The following NRXN3 variants were observed in gnomAD, a reference collection of about 807,000 sequenced individuals.
NRXN3 encodes the protein neurexin III.
Under a neutral mutation model 137.6 loss-of-function variants are expected in NRXN3, and 32 were observed. The ratio of observed to expected loss-of-function variants is 0.23; its 90% CI spans 0.18 to 0.31. NRXN3 has a LOEUF of 0.31. NRXN3 is among the 10% of genes least tolerant of loss of function. The probability of loss-of-function intolerance (pLI) is 1.00; values close to 1 mark genes in which losing one functional copy is unlikely to be tolerated. For missense variants in NRXN3, 1,574 were observed against 2,062.5 expected, an observed-to-expected ratio of 0.76 and a Z score of 4.59; for synonymous variants, 798 against 784.5, an observed-to-expected ratio of 1.02 and a Z score of -0.29.
chr14:79,297,034 C>G (rs764817415), intron 15 of NRXN3, among the ~76,000 whole-genome samples: 24 of 152,188 alleles, frequency 1.6e-4, no homozygotes, highest in Admixed American at 2.6e-4. Flanking sequence ...TTTGCTTATC[C>G]TATTTAAGCA....
At chr14:78,846,825 TTC>T (rs565635433) in intron 10 of NRXN3, among the ~76,000 whole-genome samples, 1 of 152,148 alleles carries the variant, frequency 6.6e-6, no homozygotes, top group Admixed American at 6.6e-5. Flanking sequence ...GTCCTGCACC[TTC>T]TCTCTATTTT....
At chr14:78,583,067 G>C (rs1240141740) in intron 4 of NRXN3, among the ~76,000 whole-genome samples, 1 of 152,078 alleles carries the variant, frequency 6.6e-6, no homozygotes, top group East Asian at 1.9e-4. Flanking sequence ...TAGGGCCTCT[G>C]GGATACTAAC....
In NRXN3 at chr14:79,162,541, C is replaced by A. The variant is rs1010575982; in HGVS notation, c.3262+174400C>A. On this transcript the variant is annotated intron_variant, in intron 15 of 20. Coordinates refer to ENST00000335750, the MANE Select transcript of NRXN3 (RefSeq NM_001330195.2). ...CATCCATCAAAAAGTGGGCGAAGGA[C>A]ATGAACAGACACTTCTCAAAAGAAG... 2.0e-5 allele frequency among the ~76,000 whole-genome samples: 3 copies of A among 151,726 alleles called. No homozygotes were observed. The East Asian group carries it at 5.8e-4, about 30-fold the overall frequency.
intron 15 of NRXN3, among the ~76,000 whole-genome samples, chr14:79,017,954 A>G (rs2152427574): frequency 6.6e-6 from 1 of 152,048 alleles, no homozygotes; most frequent in East Asian, 1.9e-4. Flanking sequence ...TATAGTGAAA[A>G]TGTTTGGTAA....
At chr14:79,273,720 T>G (rs1194928111) in intron 15 of NRXN3, among the ~76,000 whole-genome samples, 1 of 152,266 alleles carries the variant, frequency 6.6e-6, no homozygotes, top group East Asian at 1.9e-4. Context: ...TTTACATGTA[T>G]TAACTTTAAA....
chr14:79,049,186 A>G (rs1262206464), intron 15 of NRXN3, among the ~76,000 whole-genome samples: 11 of 151,418 alleles, frequency 7.3e-5, no homozygotes, highest in Admixed American at 3.3e-4. Flanking sequence ...CATTTTACCC[A>G]AAGCAAAATT....
intron 1 of NRXN3, among the ~76,000 whole-genome samples, chr14:78,188,149 C>T (rs1393668616): frequency 6.6e-6 from 1 of 152,020 alleles, no homozygotes; most frequent in East Asian, 1.9e-4. Context: ...ACATCCGGGA[C>T]CAAAAACAGG....
chr14:79,052,745 C>T (rs752118106), intron 15 of NRXN3, among the ~76,000 whole-genome samples: 5 of 152,188 alleles, frequency 3.3e-5, no homozygotes, highest in African/African-American at 4.8e-5. Flanking sequence ...TTGCAAAAAT[C>T]CATTAGACAG....
chr14:79,175,230 T>C (rs1432345691), intron 15 of NRXN3, among the ~76,000 whole-genome samples: 1 of 152,164 alleles, frequency 6.6e-6, no homozygotes, highest in African/African-American at 2.4e-5. Flanking sequence ...TCCGCCTGCC[T>C]CGGCCTCCCA....
intron 15 of NRXN3, among the ~76,000 whole-genome samples, chr14:79,329,843 GT>G (rs11338173): frequency 0.34 from 48,259 of 142,792 alleles, 7,807 homozygotes; most frequent in South Asian, 0.45. Flanking sequence ...GATCAAAAGA[GT>G]TTTTTTTTTT....
At chr14:78,746,764 ATCT>A (rs1384410735) in intron 8 of NRXN3, among the ~76,000 whole-genome samples, 4 of 152,230 alleles carry the variant, frequency 2.6e-5, no homozygotes, top group Non-Finnish European at 4.4e-5. Context: ...TGGTCCTCAC[ATCT>A]TCTTTGTATT....
intron 1 of NRXN3, among the ~76,000 whole-genome samples, chr14:78,218,359 CTT>C (rs140009696): frequency 1.3e-5 from 2 of 151,576 alleles, no homozygotes; most frequent in African/African-American, 4.8e-5. Flanking sequence ...CTATCGCTCT[CTT>C]TTTTTTTCCC....
At chr14:78,988,266 A>T in intron 15 of NRXN3, 125 bp downstream of exon 15, 1 of 1,219,478 alleles carries the variant, frequency 8.2e-7, no homozygotes, top group Non-Finnish European at 1.2e-6. Flanking sequence ...CTCCTCCAGA[A>T]ACTTGGGAAA....
chr14:79,003,886 G>A (rs2099546889), intron 15 of NRXN3, among the ~76,000 whole-genome samples: 1 of 152,158 alleles, frequency 6.6e-6, no homozygotes, highest in Admixed American at 6.5e-5. Flanking sequence ...GCAGAATCCT[G>A]TGGGCTCTGT....
Position 79,721,609 on chromosome 14 carries a change from A to G in NRXN3, c.4014+23672A>G, listed in dbSNP as rs76011065. Among the ~76,000 whole-genome samples the G allele has an allele frequency of 5.1e-4, 77 of 152,270 alleles. No individual in the cohort carries two copies. In the East Asian group the frequency reaches 0.014, roughly 28 times the overall value. ...TCGGAAAAAAGATTAAAAGAGCTAAATACGTATAGGTTGGCTAAGTGCCAA... is the reference window on the plus strand; with the variant it reads ...TCGGAAAAAAGATTAAAAGAGCTAAGTACGTATAGGTTGGCTAAGTGCCAA... On this transcript the variant is annotated intron_variant, in intron 19 of 20. Transcript: ENST00000335750.
Position 79,659,919 on chromosome 14 carries a change from G to C in NRXN3, c.3445-3859G>C, listed in dbSNP as rs75587419. Among the ~76,000 whole-genome samples, 871 of 152,212 alleles carry C rather than the reference G, an allele frequency of 5.7e-3. 8 individuals carry two copies. The highest frequency in any genetic ancestry group is 0.037 in the Middle Eastern group (11 of 294). ...GATGGGTGGTTCCTTCTCCTGATCT[G>C]TTTTATCTCATATATTTATGTAATG... On this transcript the variant is annotated intron_variant, in intron 16 of 20. Coordinates refer to ENST00000335750, the MANE Select transcript of NRXN3 (RefSeq NM_001330195.2).
At chr14:79,207,286 A>G (rs2066920656) in intron 15 of NRXN3, among the ~76,000 whole-genome samples, 1 of 152,190 alleles carries the variant, frequency 6.6e-6, no homozygotes, top group South Asian at 2.1e-4. Flanking sequence ...TCTGCAATGG[A>G]TCTCAGGAAT....
chr14:78,904,202 G>C (rs779522719), intron 10 of NRXN3, among the ~76,000 whole-genome samples: 2 of 151,934 alleles, frequency 1.3e-5, no homozygotes, highest in African/African-American at 2.4e-5. Context: ...TCTCAACCAG[G>C]GGCAATTTTT....
intron 10 of NRXN3, among the ~76,000 whole-genome samples, chr14:78,871,786 A>G: frequency 6.6e-6 from 1 of 152,018 alleles, no homozygotes; most frequent in Non-Finnish European, 1.5e-5. Context: ...AGTTAGGTTT[A>G]TTCTTTATTT....
Sources: gnomAD v4.1 joint callset for allele counts (sites outside exome capture counted in the v4.1 genomes callset) on GRCh38, gnomAD v4.1.1 for gene constraint, MANE v1.5 for transcripts, NCBI Gene and HGNC (gene_info 2026-07-23, HGNC 2026-07-21) for gene names.